Variants in SYBU observed in about 807,000 individuals in gnomAD.
SYBU encodes syntabulin, also known as GOLSYN A protein.
SYBU carries 21 observed loss-of-function variants against 35.9 expected under a neutral mutation model. The ratio of observed to expected loss-of-function variants is 0.58; its 90% confidence interval spans 0.41 to 0.84. SYBU has a LOEUF of 0.84. Ranked by LOEUF, SYBU falls within the 40% of genes least tolerant of loss-of-function variation. The pLI is 0.00. For missense variants in SYBU, 768 were observed against 848.2 expected, an observed-to-expected ratio of 0.91 and a Z score of 1.17; for synonymous variants, 319 against 324.3, an observed-to-expected ratio of 0.98 and a Z score of 0.18.
intron 3 of SYBU, among the ~76,000 whole-genome samples, chr8:109,612,432 C>A (rs527375246): frequency 5.9e-5 from 9 of 152,294 alleles, no homozygotes; most frequent in East Asian, 5.8e-4. Flanking sequence ...TTATAACTGG[C>A]AAGCTATTAG....
At chr8:109,614,261 T>C (rs1436338484) in intron 3 of SYBU, among the ~76,000 whole-genome samples, 2 of 152,226 alleles carry the variant, frequency 1.3e-5, no homozygotes, top group Non-Finnish European at 2.9e-5. Context: ...CTTTAAGATA[T>C]TCCCCAAGTA....
intron 3 of SYBU, among the ~76,000 whole-genome samples, chr8:109,616,002 CTTTCTTTTTTTTTT>C (rs1811729180): frequency 2.0e-5 from 2 of 99,288 alleles, no homozygotes; most frequent in African/African-American, 8.9e-5. Flanking sequence ...CTTTTCTTTT[CTTTCTTTTTTTTTT>C]TTTTTTTTTT....
At chr8:109,607,473 A>G (rs142943036) in intron 3 of SYBU, among the ~76,000 whole-genome samples, 1 of 152,264 alleles carries the variant, frequency 6.6e-6, no homozygotes, top group African/African-American at 2.4e-5. Flanking sequence ...GCCCACTTCA[A>G]ACTATGTGCA....
chr8:109,630,521 G>A (rs1332437832), intron 2 of SYBU, among the ~76,000 whole-genome samples: 1 of 152,114 alleles, frequency 6.6e-6, no homozygotes, highest in Non-Finnish European at 1.5e-5. Context: ...TGACCCAAGT[G>A]GTAGTAGTGA....
chr8:109,633,817 T>G (rs936007678), intron 2 of SYBU, among the ~76,000 whole-genome samples: 1 of 152,094 alleles, frequency 6.6e-6, no homozygotes, highest in Non-Finnish European at 1.5e-5. Context: ...CACTGCAGCC[T>G]CCACCTCCCG....
chr8:109,612,932 A>T (rs2130263761), intron 3 of SYBU, among the ~76,000 whole-genome samples: 1 of 150,750 alleles, frequency 6.6e-6, no homozygotes, highest in South Asian at 2.1e-4. Flanking sequence ...GTGAGCTGAG[A>T]CTGCGCCACT....
chr8:109,647,772 A>C (rs572291942), upstream of SYBU: 3 of 152,380 alleles, frequency 2.0e-5, no homozygotes, highest in African/African-American at 7.2e-5. Flanking sequence ...ACATGTGTTC[A>C]GTGACAGCTT....
intron 4 of SYBU, 58 bp from the exon 5 acceptor site, chr8:109,580,060 A>G: frequency 6.8e-7 from 1 of 1,468,622 alleles, no homozygotes; most frequent in East Asian, 2.3e-5. Flanking sequence ...CCCAAGGGCT[A>G]ATGTCTTACT....
At chr8:109,645,242 C>A (rs766759857), upstream of SYBU, 3 of 456,640 alleles carry the variant, frequency 6.6e-6, no homozygotes, top group Non-Finnish European at 1.3e-5. Flanking sequence ...CAGCCTACAG[C>A]TCCCCACAAC....
chr8:109,587,601 AC>A (rs1216712260), intron 3 of SYBU, among the ~76,000 whole-genome samples: 1 of 152,214 alleles, frequency 6.6e-6, no homozygotes, highest in African/African-American at 2.4e-5. Flanking sequence ...ACTCTGGCCT[AC>A]TAGGGAACAG....
At chr8:109,596,176 T>C (rs181817911) in intron 3 of SYBU, among the ~76,000 whole-genome samples, 12 of 152,378 alleles carry the variant, frequency 7.9e-5, no homozygotes, top group Admixed American at 7.8e-4. Context: ...ACTATTTTTC[T>C]ATACGTGAAT....
chr8:109,644,129 G>A (rs1451712724), intron 1 of SYBU: 2 of 457,852 alleles, frequency 4.4e-6, no homozygotes, highest in Non-Finnish European at 8.8e-6. Flanking sequence ...CTCAGCAATG[G>A]GGAACTTCGG....
chr8:109,647,378 A>G (rs13282647), upstream of SYBU: 4,674 of 152,190 alleles, frequency 0.031, 105 homozygotes, highest in Non-Finnish European at 0.05. Flanking sequence ...TTCTTGCACT[A>G]CATCCACCTA....
At chr8:109,688,009 G>A (rs1817559450) in intron 1 of SYBU, among the ~76,000 whole-genome samples, 1 of 152,098 alleles carries the variant, frequency 6.6e-6, no homozygotes. Flanking sequence ...TGTATAGCTA[G>A]GCTTCTCCTC....
chr8:109,665,482 A>G (rs1333004255), intron 1 of SYBU, among the ~76,000 whole-genome samples: 2 of 152,224 alleles, frequency 1.3e-5, no homozygotes, highest in Non-Finnish European at 2.9e-5. Context: ...TTAAGTGGGT[A>G]AGGCATACTT....
intron 3 of SYBU, among the ~76,000 whole-genome samples, chr8:109,611,466 A>G (rs1811166241): frequency 6.6e-6 from 1 of 152,196 alleles, no homozygotes; most frequent in African/African-American, 2.4e-5. Context: ...CACTTATCAC[A>G]TTTAAGCTTT....
upstream of SYBU, among the ~76,000 whole-genome samples, chr8:109,681,530 T>A (rs991547998): frequency 6.6e-6 from 1 of 152,188 alleles, no homozygotes; most frequent in Non-Finnish European, 1.5e-5. Flanking sequence ...AGAAGAAATT[T>A]AAGATGTGTT....
chr8:109,663,396 C>T (rs904270096), intron 1 of SYBU, among the ~76,000 whole-genome samples: 4 of 152,058 alleles, frequency 2.6e-5, no homozygotes, highest in East Asian at 1.9e-4. Flanking sequence ...GTTTCTGGGT[C>T]AGAATTCACA....
chr8:109,644,368 C>G, intron 1 of SYBU: 1 of 610,928 alleles, frequency 1.6e-6, no homozygotes, highest in South Asian at 1.8e-5. Flanking sequence ...CAACTGAAAG[C>G]TACACCCCAC....
Sources: allele counts gnomAD v4.1 joint callset (sites outside exome capture counted in the v4.1 genomes callset), GRCh38; gene constraint gnomAD v4.1.1; transcripts MANE v1.5; gene names NCBI Gene and HGNC (gene_info 2026-07-23, HGNC 2026-07-21).